The following EDAR variants were observed in gnomAD, a reference collection of about 807,000 sequenced individuals.
EDAR encodes the protein tumor necrosis factor receptor superfamily member EDAR.
EDAR carries 38 observed loss-of-function variants against 51.3 expected under a neutral mutation model. That is an observed-to-expected ratio of 0.74 (90% CI 0.57 to 0.97). The LOEUF (loss-of-function observed/expected upper bound fraction) is 0.97, where lower values mean the gene tolerates loss of function less well. Among genes scored for constraint, EDAR ranks in the 50% least tolerant of loss-of-function variants. The probability of loss-of-function intolerance (pLI) is 0.00; values close to 1 mark genes in which losing one functional copy is unlikely to be tolerated. For synonymous variants in EDAR, 227 were observed against 242.1 expected (o/e 0.94, Z 0.58); for missense variants, 528 against 595.0 (o/e 0.89, Z 1.17).
chr2:108,981,030 G>A (rs978195865), intron 1 of EDAR, among the ~76,000 whole-genome samples: 1 of 152,206 alleles, frequency 6.6e-6, no homozygotes, highest in East Asian at 1.9e-4. Context: ...AACTCAGCCC[G>A]TGAGTGCATA....
intron 1 of EDAR, among the ~76,000 whole-genome samples, chr2:108,968,304 T>C (rs1285260741): frequency 6.6e-6 from 1 of 152,210 alleles, no homozygotes; most frequent in East Asian, 1.9e-4. Context: ...ACATTTAAGA[T>C]GGAATGGTTT....
At chr2:108,935,693 A>G (rs1307075163) in intron 1 of EDAR, among the ~76,000 whole-genome samples, 1 of 152,002 alleles carries the variant, frequency 6.6e-6, no homozygotes, top group African/African-American at 2.4e-5. Context: ...GATTCCCTTA[A>G]TCTTGTTAGA....
At chr2:108,967,767 G>A (rs1698172741) in intron 1 of EDAR, among the ~76,000 whole-genome samples, 1 of 152,136 alleles carries the variant, frequency 6.6e-6, no homozygotes, top group African/African-American at 2.4e-5. Flanking sequence ...GTGGATTTCT[G>A]CTTGTTTGAG....
At chr2:108,972,130 C>A (rs930816269) in intron 1 of EDAR, among the ~76,000 whole-genome samples, 13 of 152,370 alleles carry the variant, frequency 8.5e-5, no homozygotes, top group African/African-American at 2.9e-4. Context: ...CTCCCTGATT[C>A]CTGACCCTCA....
intron 4 of EDAR, among the ~76,000 whole-genome samples, chr2:108,925,295 T>C (rs1479578298): frequency 1.3e-5 from 2 of 152,236 alleles, no homozygotes; most frequent in African/African-American, 4.8e-5. Context: ...ACTTTGATGC[T>C]GAGGTGGACA....
intron 1 of EDAR, among the ~76,000 whole-genome samples, chr2:108,987,016 T>C (rs930577631): frequency 2.6e-5 from 4 of 152,270 alleles, no homozygotes; most frequent in Middle Eastern, 3.4e-3. Flanking sequence ...TCCAGGATAA[T>C]TGAGGCATGC....
intron 4 of EDAR, among the ~76,000 whole-genome samples, chr2:108,925,506 G>A: frequency 6.6e-6 from 1 of 152,216 alleles, no homozygotes; most frequent in East Asian, 1.9e-4. Flanking sequence ...CTTGTCCTGG[G>A]CACGAGGCAC....
intron 9 of EDAR, 82 bp from the exon 10 acceptor site, chr2:108,908,101 A>G: frequency 1.4e-6 from 2 of 1,461,516 alleles, no homozygotes; most frequent in Non-Finnish European, 1.8e-6. Context: ...GAACTTGTCC[A>G]TTGCCCAGCT....
At chr2:108,975,240 G>C (rs1698301936) in intron 1 of EDAR, among the ~76,000 whole-genome samples, 1 of 152,230 alleles carries the variant, frequency 6.6e-6, no homozygotes. Context: ...CACAGGGATA[G>C]CAGCTGCGGC....
intron 1 of EDAR, among the ~76,000 whole-genome samples, chr2:108,986,995 G>A (rs1368879081): frequency 6.6e-6 from 1 of 152,200 alleles, no homozygotes; most frequent in African/African-American, 2.4e-5. Context: ...GGAACGAGCA[G>A]GCAGGTGTCA....
At chr2:108,974,017 A>G (rs1338559970) in intron 1 of EDAR, among the ~76,000 whole-genome samples, 1 of 152,150 alleles carries the variant, frequency 6.6e-6, no homozygotes, top group Admixed American at 6.5e-5. Context: ...TCCAAATAGA[A>G]ATAATAAGAA....
At chr2:108,933,855 T>A (rs77015130) in intron 1 of EDAR, among the ~76,000 whole-genome samples, 2,863 of 151,992 alleles carry the variant, frequency 0.019, 42 homozygotes, top group African/African-American at 0.04. Flanking sequence ...GGGGAACTGA[T>A]AGGAGCCTGT....
In EDAR at chr2:108,894,895, A is replaced by T. The variant is rs953263473; in HGVS notation, c.*2012T>A. ...TAGTGTGAAATGAGGCCAAAGCACC[A>T]GGAGCAGAGAACAGCCACCCCACTC... On this transcript the variant is annotated 3_prime_UTR_variant, in exon 12 of 12. Coordinates refer to ENST00000258443, the MANE Select transcript of EDAR (RefSeq NM_022336.4). 2.0e-5 allele frequency: 3 copies of T among 152,250 alleles called. No homozygotes were observed. The highest frequency in any genetic ancestry group is 7.2e-5 in the African/African-American group (3 of 41,470). The allele number at this position is 152,250 out of a possible 1,614,324, so 9.4% of individuals were successfully genotyped here.
At chr2:108,914,700 A>G (rs1696994947) in intron 5 of EDAR, among the ~76,000 whole-genome samples, 1 of 151,996 alleles carries the variant, frequency 6.6e-6, no homozygotes, top group African/African-American at 2.4e-5. Flanking sequence ...TGCATCTCCC[A>G]CTCTCTCACT....
chr2:108,962,548 G>T (rs976589512), intron 1 of EDAR, among the ~76,000 whole-genome samples: 2 of 151,796 alleles, frequency 1.3e-5, no homozygotes, highest in African/African-American at 4.8e-5. Flanking sequence ...GGTGGCGGGC[G>T]CCTGTAGTCC....
intron 1 of EDAR, among the ~76,000 whole-genome samples, chr2:108,962,698 A>ATG (rs57804174): frequency 7.9e-6 from 1 of 126,034 alleles, no homozygotes; most frequent in Non-Finnish European, 1.6e-5. Flanking sequence ...AAAAAAAAAA[A>ATG]AAAGAGAGAA....
chr2:108,909,027 G>C (rs1696864204), intron 9 of EDAR, among the ~76,000 whole-genome samples: 1 of 152,162 alleles, frequency 6.6e-6, no homozygotes, highest in Non-Finnish European at 1.5e-5. Flanking sequence ...TCCTGTCTCT[G>C]AGACCTAAGG....
chr2:108,931,065 C>T (rs376184463), intron 1 of EDAR, 33 bp from the exon 2 acceptor site: 65 of 1,590,624 alleles, frequency 4.1e-5, no homozygotes, highest in Non-Finnish European at 5.3e-5. Context: ...TGGGCACTGG[C>T]GGTAGCACCC....
chr2:108,935,178 T>C (rs1379361870), intron 1 of EDAR, among the ~76,000 whole-genome samples: 3 of 152,204 alleles, frequency 2.0e-5, no homozygotes, highest in Non-Finnish European at 2.9e-5. Context: ...CGACCTGCTC[T>C]CTCTTCCTCT....
Sources: gnomAD v4.1 joint callset for allele counts (sites outside exome capture counted in the v4.1 genomes callset) on GRCh38, gnomAD v4.1.1 for gene constraint, MANE v1.5 for transcripts, NCBI Gene and HGNC (gene_info 2026-07-23, HGNC 2026-07-21) for gene names.